DPP6: variants seen among roughly 807,000 people sequenced by gnomAD.
The protein encoded by DPP6 is dipeptidyl peptidase like 6.
A neutral mutation model predicts 122.6 loss-of-function variants in DPP6; 69 were observed. The ratio of observed to expected loss-of-function variants is 0.56; its 90% confidence interval spans 0.46 to 0.69. The LOEUF (loss-of-function observed/expected upper bound fraction) is 0.69, where lower values mean the gene tolerates loss of function less well. Ranked by LOEUF, DPP6 falls within the 30% of genes least tolerant of loss-of-function variation. The pLI is 0.00. For synonymous variants in DPP6, 418 were observed against 433.1 expected, an observed-to-expected ratio of 0.97 and a Z score of 0.43; for missense variants, 928 against 1,116.9, an observed-to-expected ratio of 0.83 and a Z score of 2.41.
intron 7 of DPP6, among the ~76,000 whole-genome samples, chr7:154,713,362 C>A (rs988282400): frequency 6.6e-6 from 1 of 152,242 alleles, no homozygotes; most frequent in African/African-American, 2.4e-5. Context: ...CTATGCAGTG[C>A]CCCACTGGGG....
At position 154,042,483 on chromosome 7, in the gene DPP6, G is replaced by A. The variant is rs144105592; in HGVS notation, c.51+154749G>A. ...CCAAAGCATTAATTGGATGAAAAAT[G>A]TCAAGCTTTTCTCAGTGTTCGGTGC... On this transcript the variant is annotated intron_variant, in intron 1 of 25. Transcript: ENST00000404039. Among the ~76,000 whole-genome samples the A allele has an allele frequency of 6.4e-3, 980 of 152,278 alleles. 7 individuals carry two copies. The highest frequency in any genetic ancestry group is 0.023 in the African/African-American group (936 of 41,558).
At chr7:154,337,922 G>A (rs1468874422) in intron 1 of DPP6, among the ~76,000 whole-genome samples, 5 of 152,298 alleles carry the variant, frequency 3.3e-5, no homozygotes, top group South Asian at 2.1e-4. Flanking sequence ...CTTCTTGCGC[G>A]TAAGCCTGTT....
chr7:154,724,228 C>T (rs1307057316), intron 7 of DPP6, among the ~76,000 whole-genome samples: 2 of 152,080 alleles, frequency 1.3e-5, no homozygotes, highest in Non-Finnish European at 2.9e-5. Flanking sequence ...AGACCATCTC[C>T]CCCTCCTCCC....
rs868542609 is a variant in DPP6 at position 154,879,602 on chromosome 7, A to C, written c.2079-1286A>C. Among the ~76,000 whole-genome samples, 14 of 91,958 alleles carry C rather than the reference A, an allele frequency of 1.5e-4. 3 individuals are homozygous for C. In the East Asian group the frequency reaches 0.012, roughly 76 times the overall value. 60.3% of individuals were successfully genotyped at this position (91,958 alleles called of 152,430 possible). ...AGACTCCGTCTCAAAAAAAAAAAAA[A>C]AAAAAAAACACAAAAATCAGCCAGG... On this transcript the variant is annotated intron_variant, in intron 20 of 25. Transcript: ENST00000377770.
the DPP6 span, among the ~76,000 whole-genome samples, chr7:153,871,159 C>T: frequency 6.6e-6 from 1 of 152,186 alleles, no homozygotes; most frequent in Non-Finnish European, 1.5e-5. Context: ...CTGGGAGAAC[C>T]ACTACTCTCT....
At chr7:154,505,191 C>T (rs1041241475) in intron 3 of DPP6, among the ~76,000 whole-genome samples, 5 of 152,130 alleles carry the variant, frequency 3.3e-5, no homozygotes, top group African/African-American at 1.2e-4. Flanking sequence ...GACCTCTCAG[C>T]CCATACTAAT....
At chr7:154,339,302 G>A (rs1239265731) in intron 1 of DPP6, among the ~76,000 whole-genome samples, 1 of 152,234 alleles carries the variant, frequency 6.6e-6, no homozygotes, top group Non-Finnish European at 1.5e-5. Flanking sequence ...GACGTGGGGT[G>A]GTGGGACAGG....
At chr7:153,979,694 C>T (rs2907048) in intron 1 of DPP6, among the ~76,000 whole-genome samples, 1 of 152,116 alleles carries the variant, frequency 6.6e-6, no homozygotes. Flanking sequence ...TCATAAATAG[C>T]TCTTATTATT....
Position 154,760,824 on chromosome 7 carries a change from C to T in DPP6, c.884-8593C>T, listed in dbSNP as rs116933589. On this transcript the variant is annotated intron_variant, in intron 8 of 25. Transcript: ENST00000377770. This position sits in a 1 kb window ranked among gnomAD's most constrained non-coding sequence, Gnocchi z 4.5. ...GAGCCTGGCATACTGGCTCAGCCTT[C>T]CTCTTTCAAAACTTTTGTTTTTTTT... Among the ~76,000 whole-genome samples, 2,685 of 142,262 alleles carry T rather than the reference C, an allele frequency of 0.019. 54 individuals carry two copies. The highest frequency in any genetic ancestry group is 0.025 in the Non-Finnish European group (1,664 of 66,132). 93.3% of individuals were successfully genotyped at this position (142,262 alleles called of 152,430 possible). A position where few individuals can be genotyped will look rare whatever the true frequency, so the allele number is the denominator to read the frequency against.
intron 6 of DPP6, among the ~76,000 whole-genome samples, chr7:154,660,921 C>T (rs563350497): frequency 1.9e-5 from 2 of 105,834 alleles, no homozygotes; most frequent in Non-Finnish European, 3.6e-5. Context: ...ATCACCATGG[C>T]GTATTGGCCG....
At chr7:153,756,025 A>G in the DPP6 span, among the ~76,000 whole-genome samples, 1 of 152,056 alleles carries the variant, frequency 6.6e-6, no homozygotes, top group East Asian at 1.9e-4. Context: ...ACCACCATCT[A>G]TGGACATGAG....
intron 16 of DPP6, among the ~76,000 whole-genome samples, chr7:154,837,310 CACAA>C (rs986072610): frequency 3.3e-5 from 5 of 151,966 alleles, no homozygotes; most frequent in South Asian, 2.1e-4. Context: ...CACACATGCA[CACAA>C]ACACATGCAC....
chr7:153,893,951 T>G (rs1799306832), intron 1 of DPP6, among the ~76,000 whole-genome samples: 1 of 152,226 alleles, frequency 6.6e-6, no homozygotes, highest in South Asian at 2.1e-4. Context: ...GCAGGTTGTT[T>G]CAGCAGTTAC....
At chr7:154,188,823 C>T (rs1177938679) in intron 1 of DPP6, among the ~76,000 whole-genome samples, 1 of 152,314 alleles carries the variant, frequency 6.6e-6, no homozygotes, top group East Asian at 1.9e-4. Flanking sequence ...GAACAAAATA[C>T]AATAGGATAC....
chr7:153,933,205 A>G lies in DPP6; in HGVS notation c.51+45471A>G, dbSNP rs1296266590. On this transcript the variant is annotated intron_variant, in intron 1 of 25. Coordinates refer to the DPP6 transcript ENST00000404039. The stretch of plus-strand genomic sequence containing the variant: ...ACTGTGTAACCTCTAAGTTTCCTCA[A>G]CGGTAAACAAGATTTTTTTTTTGAC... Among the ~76,000 whole-genome samples the G allele has an allele frequency of 2.0e-5, 3 of 152,314 alleles. No individual in the cohort carries two copies. The East Asian group carries it at 5.8e-4, about 29-fold the overall frequency.
At chr7:154,710,293 G>T (rs1352632660) in intron 7 of DPP6, among the ~76,000 whole-genome samples, 1 of 152,208 alleles carries the variant, frequency 6.6e-6, no homozygotes, top group Non-Finnish European at 1.5e-5. Context: ...AGTACTCATG[G>T]TTCTCCTTAT....
chr7:154,789,514 G>T (rs1028588876), intron 10 of DPP6, among the ~76,000 whole-genome samples: 1 of 152,222 alleles, frequency 6.6e-6, no homozygotes, highest in Non-Finnish European at 1.5e-5. Context: ...CTGTGTTGCA[G>T]TTAGAGATTT....
chr7:154,585,794 C>A (rs548675777), intron 5 of DPP6, among the ~76,000 whole-genome samples: 24 of 152,204 alleles, frequency 1.6e-4, no homozygotes, highest in African/African-American at 5.5e-4. Flanking sequence ...TCTTTTTGAT[C>A]CTTGGTGGTT....
chr7:154,801,729 T>G lies in DPP6; in HGVS notation c.1407+267T>G, dbSNP rs186612342. On this transcript the variant is annotated intron_variant, in intron 13 of 25. Transcript: ENST00000377770. ...AGACCCTGGGGTCCCCTGTTCAGTG[T>G]AAGGCCAAGGATGTTGGAGGACTGT... 3.3e-3 allele frequency among the ~76,000 whole-genome samples: 509 copies of G among 152,206 alleles called. 12 individuals carry two copies. The highest frequency in any genetic ancestry group is 1.0e-3 in the Non-Finnish European group (70 of 67,988).
Sources: allele counts gnomAD v4.1 joint callset (sites outside exome capture counted in the v4.1 genomes callset), GRCh38; gene constraint gnomAD v4.1.1; non-coding constraint Gnocchi (gnomAD v3.1); transcripts MANE v1.5; gene names NCBI Gene and HGNC (gene_info 2026-07-23, HGNC 2026-07-21).